ACACB: variants seen among roughly 807,000 people sequenced by gnomAD.
ACACB encodes the protein acetyl-CoA carboxylase beta.
ACACB carries 209 observed loss-of-function variants against 278.8 expected under a neutral mutation model. The observed-to-expected ratio is 0.75, with a 90% CI of 0.67 to 0.84. ACACB has a LOEUF of 0.84. Among genes scored for constraint, ACACB ranks in the 40% least tolerant of loss-of-function variants. ACACB has a pLI of 0.00. For missense variants in ACACB, 2,850 were observed against 3,269.0 expected, an observed-to-expected ratio of 0.87 and a Z score of 3.13; for synonymous variants, 1,174 against 1,285.6, an observed-to-expected ratio of 0.91 and a Z score of 1.86.
chr12:109,203,793 C>G (rs2045409797), intron 19 of ACACB, among the ~76,000 whole-genome samples: 1 of 152,190 alleles, frequency 6.6e-6, no homozygotes, highest in African/African-American at 2.4e-5. Flanking sequence ...CGATGAGTCC[C>G]TGAGGTCAAG....
intron 5 of ACACB, 65 bp downstream of exon 5, chr12:109,171,979 C>A: frequency 7.4e-7 from 1 of 1,347,778 alleles, no homozygotes; most frequent in Non-Finnish European, 1.1e-6. Flanking sequence ...GGTTCTAGTT[C>A]AATTCCACAG....
chr12:109,216,683 G>C lies in ACACB; in HGVS notation c.3416G>C (p.Arg1139Pro), dbSNP rs758575862. The C allele has an allele frequency of 6.2e-7, 1 of 1,614,162 alleles. No individual in the cohort carries two copies. The change falls in exon 23 of 53, where the codon CGT (arginine) becomes CCT (proline). Residue 1139 changes from arginine (R) to proline (P), a missense_variant. Arg to Pro is a moderately radical substitution (Grantham distance 103, BLOSUM62 -2). Around this residue, in one of 3 missense-constraint regions of ACACB, gnomAD observed 2,265 missense variants for 2,561.3 expected, o/e 0.88. Transcript: ENST00000338432. Reference sequence around the variant, plus strand: ...TTGGATCTCCTGAGAAGATACTTGCGTGTTGAGCACCATTTTCAGCAAGGC... The same window carrying C: ...TTGGATCTCCTGAGAAGATACTTGCCTGTTGAGCACCATTTTCAGCAAGGC... ...VVLDLLRRYL[R>P]VEHHFQQAHY...
At position 109,261,548 on chromosome 12, in the gene ACACB, G is replaced by A. The variant is rs564039657; in HGVS notation, c.6675-809G>A. The stretch of plus-strand genomic sequence containing the variant: ...TCTAAGCTGTCAAAAGCAAAAGGGG[G>A]CAGGGGGAGAATAAGGGGTAAATAA... On this transcript the variant is annotated intron_variant, in intron 48 of 52. Coordinates refer to ENST00000338432, the MANE Select transcript of ACACB (RefSeq NM_001093.4). 5.9e-5 allele frequency among the ~76,000 whole-genome samples: 9 copies of A among 152,224 alleles called. No individual in the cohort carries two copies. In the East Asian group the frequency reaches 1.7e-3, roughly 29 times the overall value.
Position 109,262,295 on chromosome 12 carries a change from A to G in ACACB, c.6675-62A>G. 15 of 1,358,616 alleles carry G rather than the reference A, an allele frequency of 1.1e-5. 1 individual carries two copies. The South Asian group carries it at 1.6e-4, about 14-fold the overall frequency. The allele number at this position is 1,358,616 out of a possible 1,614,324, so 84.2% of individuals were successfully genotyped here. A position where few individuals can be genotyped will look rare whatever the true frequency, so the allele number is the denominator to read the frequency against. On this transcript the variant is annotated intron_variant, in intron 48 of 52. Transcript: ENST00000338432. ...CTTCCCTCCAGCTCCCCCCACATCC[A>G]TTAGCCCTTGCTTGCTGGGCAATGC...
chr12:109,264,715 G>C (rs965058255), intron 50 of ACACB, among the ~76,000 whole-genome samples: 3 of 152,066 alleles, frequency 2.0e-5, no homozygotes, highest in African/African-American at 7.2e-5. Context: ...CGTTGTTCCT[G>C]TCCAGCATTC....
chr12:109,205,255 C>A (rs1019271651), intron 19 of ACACB, among the ~76,000 whole-genome samples: 3 of 152,200 alleles, frequency 2.0e-5, no homozygotes, highest in African/African-American at 7.2e-5. Context: ...TTTCAGCACA[C>A]ATTTCCTGTG....
chr12:109,210,410 C>CACATGTGTATATATACGCACAT (rs2045779917), intron 21 of ACACB, among the ~76,000 whole-genome samples: 1 of 129,862 alleles, frequency 7.7e-6, no homozygotes, highest in African/African-American at 3.2e-5. Flanking sequence ...TACACGCACA[C>CACATGTGTATATATACGCACAT]ACATGTGTAT....
At chr12:109,194,287 C>G (rs545454371) in intron 16 of ACACB, among the ~76,000 whole-genome samples, 3 of 152,242 alleles carry the variant, frequency 2.0e-5, no homozygotes, top group South Asian at 4.1e-4. Flanking sequence ...CCTCCATCTC[C>G]CAGGTTCAAG....
chr12:109,188,928 G>C (rs2044766902), intron 13 of ACACB, among the ~76,000 whole-genome samples: 1 of 152,142 alleles, frequency 6.6e-6, no homozygotes, highest in African/African-American at 2.4e-5. Context: ...TCACACCGAA[G>C]ACTAAATTTT....
intron 2 of ACACB, among the ~76,000 whole-genome samples, chr12:109,150,053 G>T (rs2043331958): frequency 6.6e-6 from 1 of 152,100 alleles, no homozygotes; most frequent in Non-Finnish European, 1.5e-5. Flanking sequence ...TTGGGATCAG[G>T]CTTCATTGAG....
Position 109,216,617 on chromosome 12 carries a change from G to T in ACACB, c.3351-1G>T. The T allele has an allele frequency of 1.9e-6, 3 of 1,614,112 alleles. No individual in the cohort carries two copies. The highest frequency in any genetic ancestry group is 1.1e-5 in the South Asian group (1 of 91,078). On this transcript the variant is annotated splice_acceptor_variant, in intron 22 of 52. Coordinates refer to ENST00000338432, the MANE Select transcript of ACACB (RefSeq NM_001093.4). LOFTEE classifies it high-confidence loss of function. Reference sequence around the variant, plus strand: ...TAAGAGCAGCCTTCCCTTCTCCCCAGATACCGCAGCGGGATCCGCGGCTAT... The same window carrying T: ...TAAGAGCAGCCTTCCCTTCTCCCCATATACCGCAGCGGGATCCGCGGCTAT...
intron 41 of ACACB, 106 bp downstream of exon 41, chr12:109,250,210 C>A: frequency 8.1e-7 from 1 of 1,233,596 alleles, no homozygotes; most frequent in Non-Finnish European, 1.1e-6. Flanking sequence ...GTGCCCGTCA[C>A]ATACCTCCTA....
At chr12:109,201,087 C>T (rs1330482409) in intron 18 of ACACB, among the ~76,000 whole-genome samples, 1 of 152,188 alleles carries the variant, frequency 6.6e-6, no homozygotes, top group African/African-American at 2.4e-5. Context: ...ATGCCACGCA[C>T]GTATCCAGAC....
At chr12:109,251,005 AG>A (rs753289588) in intron 41 of ACACB, among the ~76,000 whole-genome samples, 46 of 151,982 alleles carry the variant, frequency 3.0e-4, no homozygotes, top group Non-Finnish European at 5.9e-4. Context: ...AGCACTTAGG[AG>A]GGGCCGCATG....
chr12:109,170,523 G>C (rs760915735), intron 4 of ACACB, among the ~76,000 whole-genome samples: 1 of 152,092 alleles, frequency 6.6e-6, no homozygotes, highest in Non-Finnish European at 1.5e-5. Flanking sequence ...ACGTTATGCT[G>C]GTCACAAAAA....
Position 109,190,137 on chromosome 12 carries a change from A to G in ACACB, c.2145-1476A>G, listed in dbSNP as rs534982448. On this transcript the variant is annotated intron_variant, in intron 13 of 52. Transcript: ENST00000338432. The stretch of plus-strand genomic sequence containing the variant: ...AAAAAAACAAAAAAAAGAAAAAAAG[A>G]AAGCTTTCTCTCCCAGAAGAAGAGG... Among the ~76,000 whole-genome samples, 4 of 152,236 alleles carry G rather than the reference A, an allele frequency of 2.6e-5. No homozygotes were observed. In the South Asian group the frequency reaches 8.3e-4, roughly 32 times the overall value.
rs1250814181 is a variant in ACACB, at chr12:109,264,327, G to T, written c.6883G>T (p.Val2295Leu). ...GCTCCCCATCTACCACCAGGTGGCG[G>T]TGCAGTTCGCCGACTTCCATGACAC... ...LLLPIYHQVA[V>L]QFADFHDTPG... Residue 2295 changes from valine to leucine, a missense_variant, in exon 50 of 53, where the codon GTG (valine) becomes TTG (leucine). Physicochemically the swap from Val to Leu is conservative, Grantham distance 32 (BLOSUM62 1). Transcript: ENST00000338432. The T allele has an allele frequency of 6.2e-7, 1 of 1,614,124 alleles. No homozygotes were observed. Among genetic ancestry groups the T allele is most frequent in the Admixed American group, 1.7e-5 (1 of 60,012 alleles).
chr12:109,159,691 G>T (rs1281580569), intron 2 of ACACB, among the ~76,000 whole-genome samples: 1 of 152,050 alleles, frequency 6.6e-6, no homozygotes, highest in Non-Finnish European at 1.5e-5. Context: ...GTGTTGAGCA[G>T]CATCCCTGGT....
chr12:109,156,579 TTCTC>T lies in ACACB; in HGVS notation c.654-10278_654-10275del, dbSNP rs1335613782. 3.1e-5 allele frequency among the ~76,000 whole-genome samples: 4 copies of T among 130,602 alleles called. No individual in the cohort carries two copies. The East Asian group carries it at 9.2e-4, about 30-fold the overall frequency. The allele number at this position is 130,602 out of a possible 152,430, so 85.7% of individuals were successfully genotyped here. ...TATAAGTAGCGGATATTCAGGCTGTTTCTCTCTGTTTTTTTTTTTTTTTTTGGGG... is the reference window on the plus strand; with the variant it reads ...TATAAGTAGCGGATATTCAGGCTGTTTCTGTTTTTTTTTTTTTTTTTGGGG... On this transcript the variant is annotated intron_variant, in intron 2 of 52. Transcript: ENST00000338432.
Sources: allele counts gnomAD v4.1 joint callset (sites outside exome capture counted in the v4.1 genomes callset), GRCh38; gene constraint gnomAD v4.1.1; regional missense constraint gnomAD v4.1.1; transcripts MANE v1.5; gene names NCBI Gene and HGNC (gene_info 2026-07-23, HGNC 2026-07-21).